EML5: variants seen among roughly 807,000 people sequenced by gnomAD.
The protein encoded by EML5 is echinoderm microtubule-associated protein-like 5.
In EML5, 120 loss-of-function variants were observed where a neutral mutation model predicts 250.0. That is an observed-to-expected ratio of 0.48 (90% CI 0.41 to 0.56). EML5 has a LOEUF of 0.56. Ranked by LOEUF, EML5 falls within the 20% of genes least tolerant of loss-of-function variation. The pLI is 0.00. For missense variants in EML5, 2,006 were observed against 2,437.6 expected (o/e 0.82, Z 3.73); for synonymous variants, 771 against 806.5 (o/e 0.96, Z 0.75).
At chr14:88,665,193 G>A (rs2092270272) in intron 22 of EML5, 144 bp downstream of exon 22, 1 of 831,414 alleles carries the variant, frequency 1.2e-6, no homozygotes, top group Non-Finnish European at 1.8e-6. Context: ...TAACAACAGG[G>A]CTTTTACCTC....
chr14:88,717,756 AAAC>A (rs147401940), intron 8 of EML5, among the ~76,000 whole-genome samples: 2,066 of 150,876 alleles, frequency 0.014, 21 homozygotes, highest in Non-Finnish European at 0.019. Context: ...CTCCGTCTCA[AAAC>A]AACAACAACA....
At chr14:88,692,660 T>C (rs1335515600) in intron 17 of EML5, among the ~76,000 whole-genome samples, 3 of 152,190 alleles carry the variant, frequency 2.0e-5, no homozygotes, top group Admixed American at 6.5e-5. Flanking sequence ...GAGGTACAAC[T>C]GTAGTATATG....
intron 2 of EML5, among the ~76,000 whole-genome samples, chr14:88,752,987 T>C (rs1388121352): frequency 2.0e-5 from 3 of 152,188 alleles, no homozygotes; most frequent in African/African-American, 4.8e-5. Flanking sequence ...TCTGTTCGTG[T>C]AACCTGGTTC....
At chr14:88,696,556 C>T (rs2093083731) in intron 15 of EML5, among the ~76,000 whole-genome samples, 1 of 152,078 alleles carries the variant, frequency 6.6e-6, no homozygotes, top group African/African-American at 2.4e-5. Context: ...ATGCAAACCA[C>T]CTGTGGTAAC....
chr14:88,710,121 C>T (rs2093380028), intron 10 of EML5, among the ~76,000 whole-genome samples: 1 of 152,032 alleles, frequency 6.6e-6, no homozygotes, highest in Non-Finnish European at 1.5e-5. Flanking sequence ...ATGCTGCTGC[C>T]TAGGAAGAGT....
intron 1 of EML5, among the ~76,000 whole-genome samples, chr14:88,770,279 T>G (rs948841739): frequency 1.1e-4 from 16 of 152,194 alleles, no homozygotes; most frequent in Non-Finnish European, 1.9e-4. Flanking sequence ...GTTATTTTAA[T>G]GAGGTTCAAT....
chr14:88,693,301 T>C (rs958730141), intron 17 of EML5, among the ~76,000 whole-genome samples: 2 of 152,240 alleles, frequency 1.3e-5, no homozygotes, highest in Non-Finnish European at 2.9e-5. Flanking sequence ...CGAGGTTTAA[T>C]TGATTCACAG....
intron 33 of EML5, among the ~76,000 whole-genome samples, chr14:88,628,181 ATT>A (rs2090162668): frequency 6.6e-6 from 1 of 152,186 alleles, no homozygotes; most frequent in African/African-American, 2.4e-5. Context: ...CTATACAAAT[ATT>A]AAACAATAAA....
intron 1 of EML5, among the ~76,000 whole-genome samples, chr14:88,789,306 C>T (rs2094583102): frequency 6.6e-6 from 1 of 151,992 alleles, no homozygotes; most frequent in South Asian, 2.1e-4. Flanking sequence ...AAAAAAGTGA[C>T]CCCAAAAGCC....
At chr14:88,742,478 T>C (rs1179737307) in intron 4 of EML5, among the ~76,000 whole-genome samples, 1 of 152,200 alleles carries the variant, frequency 6.6e-6, no homozygotes, top group African/African-American at 2.4e-5. Flanking sequence ...TCATTTCTTC[T>C]AGCAAAGGGA....
chr14:88,728,363 ACGT>A (rs1233763355), intron 7 of EML5, among the ~76,000 whole-genome samples: 4 of 152,188 alleles, frequency 2.6e-5, no homozygotes, highest in African/African-American at 9.7e-5. Context: ...TCAAAAAGCC[ACGT>A]CTAATGTTTA....
In EML5 at chr14:88,702,487, G is replaced by A; in HGVS notation, c.2197C>T (p.Leu733=). 6.2e-7 allele frequency: 1 copy of A among 1,613,350 alleles called. No homozygotes were observed. Among genetic ancestry groups the A allele is most frequent in the South Asian group, 1.1e-5 (1 of 90,990 alleles). Residue 733 remains leucine (L), a synonymous_variant, in exon 14 of 44, where the codon CTA becomes TTA. Transcript: ENST00000554922. ...TAGTCTTTCAAAGGATGAATAGTTA[G>A]GCAGAGAATATCATCATCATGACCC... The part of the protein sequence containing the change: ...YLGHDDDILC[L]TIHPLKDYVA...
At chr14:88,717,505 T>A (rs8017299) in intron 8 of EML5, among the ~76,000 whole-genome samples, 39,739 of 152,108 alleles carry the variant, frequency 0.26, 5,423 homozygotes, top group East Asian at 0.37. Context: ...ACGCCTGTAA[T>A]CCCAGCAGTT....
chr14:88,628,325 T>C (rs1310300925), intron 33 of EML5, among the ~76,000 whole-genome samples: 2 of 152,070 alleles, frequency 1.3e-5, no homozygotes, highest in Non-Finnish European at 2.9e-5. Context: ...ACCATACAGA[T>C]AGACATCTGG....
At chr14:88,706,466 TA>T in intron 10 of EML5, 40 bp from the exon 11 acceptor site, 1 of 1,383,646 alleles carries the variant, frequency 7.2e-7, no homozygotes, top group Non-Finnish European at 9.5e-7. Flanking sequence ...AAACAAATGC[TA>T]AACAAAATAC....
At chr14:88,777,335 A>T (rs1323847860) in intron 1 of EML5, among the ~76,000 whole-genome samples, 1 of 152,224 alleles carries the variant, frequency 6.6e-6, no homozygotes, top group Non-Finnish European at 1.5e-5. Context: ...TAGTATATCC[A>T]GTGAAATTAT....
At chr14:88,637,290 C>T (rs190368712) in intron 32 of EML5, among the ~76,000 whole-genome samples, 4 of 152,144 alleles carry the variant, frequency 2.6e-5, no homozygotes, top group Admixed American at 2.6e-4. Context: ...CCTCTGTACT[C>T]CCCAGATTTT....
At chr14:88,681,567 T>C (rs1011684396) in intron 21 of EML5, among the ~76,000 whole-genome samples, 1 of 152,232 alleles carries the variant, frequency 6.6e-6, no homozygotes, top group Non-Finnish European at 1.5e-5. Context: ...CACTATGCCT[T>C]AGAAAAGTTT....
In EML5 at chr14:88,657,536, A is replaced by T. The variant is rs1323259114; in HGVS notation, c.3878-34T>A. ...AAAATATACGAGTAATTCTTTAAGC[A>T]ATAACTGAGATCAATTATGATCTTA... On this transcript the variant is annotated intron_variant, in intron 26 of 43. Transcript: ENST00000554922. The T allele has an allele frequency of 3.2e-6, 5 of 1,553,846 alleles. 1 individual carries two copies. Among genetic ancestry groups the T allele is most frequent in the Middle Eastern group, 3.4e-4 (2 of 5,856 alleles).
Sources: allele counts gnomAD v4.1 joint callset (sites outside exome capture counted in the v4.1 genomes callset), GRCh38; gene constraint gnomAD v4.1.1; transcripts MANE v1.5; gene names NCBI Gene and HGNC (gene_info 2026-07-23, HGNC 2026-07-21).